Variants in DPP6 observed in about 807,000 individuals in gnomAD.
DPP6 encodes dipeptidyl peptidase like 6, also known as A-type potassium channel modulatory protein DPP6.
DPP6 carries 69 observed loss-of-function variants against 122.6 expected under a neutral mutation model. That is an observed-to-expected ratio of 0.56 (90% CI 0.46 to 0.69). DPP6 has a LOEUF of 0.69. Among genes scored for constraint, DPP6 ranks in the 30% least tolerant of loss-of-function variants. The pLI is 0.00. For synonymous variants in DPP6, 418 were observed against 433.1 expected, an observed-to-expected ratio of 0.97 and a Z score of 0.43; for missense variants, 928 against 1,116.9, an observed-to-expected ratio of 0.83 and a Z score of 2.41.
At chr7:153,963,347 T>C (rs1472127006) in intron 1 of DPP6, among the ~76,000 whole-genome samples, 2 of 149,776 alleles carry the variant, frequency 1.3e-5, no homozygotes, top group Admixed American at 1.3e-4. Context: ...CTCGTCTTGC[T>C]CCTTCATAGC....
At chr7:153,937,118 C>T (rs768392661) in intron 1 of DPP6, among the ~76,000 whole-genome samples, 9 of 152,190 alleles carry the variant, frequency 5.9e-5, no homozygotes, top group Non-Finnish European at 1.2e-4. Context: ...GGAACCAGGG[C>T]GGCTATGAGG....
the DPP6 span, among the ~76,000 whole-genome samples, chr7:153,788,381 G>C: frequency 6.6e-6 from 1 of 152,146 alleles, no homozygotes; most frequent in Non-Finnish European, 1.5e-5. Context: ...TTACTCATAC[G>C]TGCAAAAGTT....
chr7:154,206,909 T>G (rs1326818043), intron 1 of DPP6, among the ~76,000 whole-genome samples: 1 of 152,230 alleles, frequency 6.6e-6, no homozygotes, highest in Non-Finnish European at 1.5e-5. Flanking sequence ...GTGCCCAGTC[T>G]TCTTTCAGAC....
At chr7:154,160,482 G>A (rs1401797866) in intron 1 of DPP6, among the ~76,000 whole-genome samples, 3 of 152,208 alleles carry the variant, frequency 2.0e-5, no homozygotes, top group Non-Finnish European at 4.4e-5. Flanking sequence ...GGAAGTGCTT[G>A]TGTGGTCTAC....
intron 23 of DPP6, 124 bp from the exon 24 acceptor site, chr7:154,889,148 G>A: frequency 7.0e-7 from 1 of 1,430,930 alleles, no homozygotes; most frequent in Admixed American, 2.7e-5. Context: ...AGGCATCCCG[G>A]TTCTCCGGGA....
chr7:154,141,038 G>A (rs1795816804), intron 1 of DPP6, among the ~76,000 whole-genome samples: 1 of 152,144 alleles, frequency 6.6e-6, no homozygotes. Flanking sequence ...GTGAGAAGCT[G>A]AGTCTGCTTA....
At chr7:153,798,668 A>C in the DPP6 span, among the ~76,000 whole-genome samples, 1 of 152,204 alleles carries the variant, frequency 6.6e-6, no homozygotes, top group African/African-American at 2.4e-5. Flanking sequence ...GTTTGGGATG[A>C]TTCAAGTGCA....
intron 3 of DPP6, among the ~76,000 whole-genome samples, chr7:154,507,940 A>T (rs1825784183): frequency 7.0e-6 from 1 of 142,962 alleles, no homozygotes; most frequent in African/African-American, 2.5e-5. Flanking sequence ...CAGATCTTGG[A>T]GGAAGAACTT....
intron 1 of DPP6, among the ~76,000 whole-genome samples, chr7:154,015,307 A>C (rs376436683): frequency 1.3e-5 from 2 of 151,956 alleles, no homozygotes; most frequent in Admixed American, 6.6e-5. Context: ...GTGACCTCTC[A>C]GCATTGAAGT....
chr7:154,656,959 T>C (rs113939593), intron 6 of DPP6, among the ~76,000 whole-genome samples: 460 of 22,170 alleles, frequency 0.021, 121 homozygotes, highest in Non-Finnish European at 0.023. Flanking sequence ...GGAGAGGCTG[T>C]GTGGGAGGAG....
intron 1 of DPP6, among the ~76,000 whole-genome samples, chr7:154,115,885 C>T (rs942115188): frequency 2.0e-5 from 3 of 152,028 alleles, no homozygotes; most frequent in Admixed American, 6.6e-5. Flanking sequence ...TCTTGCCAAT[C>T]ATAGACAAAC....
rs66710949 is a variant in DPP6 at position 154,256,998 on chromosome 7, C to CTTTTTT, written c.244-189206_244-189201dup. On this transcript the variant is annotated intron_variant, in intron 1 of 25. Coordinates refer to ENST00000377770, the MANE Select transcript of DPP6 (RefSeq NM_130797.4). ...TTTTCTTTTTCTTTTTCTTCTTCTTCTTTTTTTTTTTTTTTGGAGACAGTG... is the reference window on the plus strand; with the variant it reads ...TTTTCTTTTTCTTTTTCTTCTTCTTCTTTTTTTTTTTTTTTTTTTTTGGAGACAGTG... Among the ~76,000 whole-genome samples the CTTTTTT allele has an allele frequency of 3.2e-3, 426 of 132,826 alleles. 7 individuals are homozygous for CTTTTTT. The highest frequency in any genetic ancestry group is 6.6e-3 in the African/African-American group (235 of 35,440). 87.1% of individuals were successfully genotyped at this position (132,826 alleles called of 152,430 possible). A position where few individuals can be genotyped will look rare whatever the true frequency, so the allele number is the denominator to read the frequency against.
chr7:154,590,696 G>A (rs568888367), intron 5 of DPP6, among the ~76,000 whole-genome samples: 17 of 150,042 alleles, frequency 1.1e-4, no homozygotes, highest in Non-Finnish European at 2.4e-4. Flanking sequence ...CACCACACCC[G>A]GCTAATTTTG....
At chr7:153,885,932 C>T (rs1197299169), upstream of DPP6, among the ~76,000 whole-genome samples, 1 of 152,154 alleles carries the variant, frequency 6.6e-6, no homozygotes, top group Admixed American at 6.5e-5. Flanking sequence ...GGATAACTTA[C>T]ATGTAATTAC....
At chr7:154,252,233 T>TGC (rs1264633062) in intron 1 of DPP6, among the ~76,000 whole-genome samples, 41 of 140,208 alleles carry the variant, frequency 2.9e-4, no homozygotes, top group South Asian at 2.2e-4. Flanking sequence ...TGTGTGTGTG[T>TGC]GTGCGCGCAT....
Position 154,575,123 on chromosome 7 carries a change from GGT to G in DPP6, c.627+8217_627+8218del, listed in dbSNP as rs1157834461. 1.5e-4 allele frequency among the ~76,000 whole-genome samples: 22 copies of G among 143,036 alleles called. No homozygotes were observed. The East Asian group carries it at 2.2e-3, about 14-fold the overall frequency. The allele number at this position is 143,036 out of a possible 152,430, so 93.8% of individuals were successfully genotyped here. ...GTGTGTATGCTGTTTGTGTGTGTGT[GGT>G]GTGTGTGTGGTATGTGTATGTGTGT... On this transcript the variant is annotated intron_variant, in intron 5 of 25. Transcript: ENST00000377770.
At chr7:153,957,136 A>C (rs1397816822) in intron 1 of DPP6, among the ~76,000 whole-genome samples, 1 of 152,228 alleles carries the variant, frequency 6.6e-6, no homozygotes, top group East Asian at 1.9e-4. Context: ...CAAGCAAAAC[A>C]TGGAAAGCTG....
At chr7:153,861,993 T>G in the DPP6 span, among the ~76,000 whole-genome samples, 2 of 152,144 alleles carry the variant, frequency 1.3e-5, no homozygotes, top group Non-Finnish European at 2.9e-5. Context: ...TTTGTTGCAA[T>G]GGCAGAGAAT....
intron 1 of DPP6, among the ~76,000 whole-genome samples, chr7:154,436,719 C>T (rs571906796): frequency 7.9e-5 from 12 of 152,288 alleles, no homozygotes; most frequent in African/African-American, 2.6e-4. Context: ...AAACAGAGGA[C>T]AGCCAGTACC....
Sources: gnomAD v4.1 joint callset for allele counts (sites outside exome capture counted in the v4.1 genomes callset) on GRCh38, gnomAD v4.1.1 for gene constraint, MANE v1.5 for transcripts, NCBI Gene and HGNC (gene_info 2026-07-23, HGNC 2026-07-21) for gene names.